Variants in INSL6 observed in about 807,000 individuals in gnomAD.
The protein encoded by INSL6 is insulin like 6, also known as insulin-like peptide INSL6.
INSL6 carries 16 observed loss-of-function variants against 9.4 expected under a neutral mutation model. The ratio of observed to expected loss-of-function variants is 1.70; its 90% CI spans 1.15 to 2.59. The LOEUF is 2.59. INSL6 is among the 30% of genes most tolerant of loss of function. INSL6 has a pLI of 0.00. For missense variants in INSL6, 391 were observed against 257.3 expected, an observed-to-expected ratio of 1.52 and a Z score of -3.56; for synonymous variants, 154 against 96.9, an observed-to-expected ratio of 1.59 and a Z score of -3.46.
intron 2 of INSL6, among the ~76,000 whole-genome samples, chr9:5,137,681 A>C (rs1025985271): frequency 6.6e-6 from 1 of 152,232 alleles, no homozygotes; most frequent in Non-Finnish European, 1.5e-5. Flanking sequence ...AGGCATGGCA[A>C]AGACTTCATG....
At chr9:5,040,856 A>T in the INSL6 span, 1 of 227,616 alleles carries the variant, frequency 4.4e-6, no homozygotes, top group South Asian at 4.4e-5. Context: ...CGCGAGCAGG[A>T]GAGGGGCCGG....
At chr9:5,004,011 T>C in the INSL6 span, among the ~76,000 whole-genome samples, 3 of 152,152 alleles carry the variant, frequency 2.0e-5, no homozygotes, top group Admixed American at 6.5e-5. Flanking sequence ...TAAAAAATTT[T>C]TTTCTAAATT....
chr9:5,068,946 T>A, the INSL6 span: 5 of 795,126 alleles, frequency 6.3e-6, no homozygotes, highest in Non-Finnish European at 9.9e-6. Flanking sequence ...GTTCTTGTGA[T>A]ATCATTTTGT....
chr9:5,156,294 C>A (rs575851279), intron 2 of INSL6, among the ~76,000 whole-genome samples: 1 of 152,186 alleles, frequency 6.6e-6, no homozygotes, highest in Non-Finnish European at 1.5e-5. Flanking sequence ...TAAACAGATT[C>A]TTTATGAAAA....
At chr9:5,080,200 A>C in the INSL6 span, 1 of 1,522,734 alleles carries the variant, frequency 6.6e-7, no homozygotes, top group Admixed American at 2.0e-5. Flanking sequence ...TGAATTATTT[A>C]ACCCTACTCT....
At chr9:5,169,814 T>A (rs7858245) in intron 1 of INSL6, among the ~76,000 whole-genome samples, 56,732 of 151,892 alleles carry the variant, frequency 0.37, 11,916 homozygotes, top group African/African-American at 0.59. Context: ...AAGAAGAGCT[T>A]ACTATCCTAA....
downstream of INSL6, among the ~76,000 whole-genome samples, chr9:5,119,782 TTTCA>T (rs1823473467): frequency 6.6e-6 from 1 of 152,128 alleles, no homozygotes; most frequent in African/African-American, 2.4e-5. Context: ...TGATCAAAAT[TTTCA>T]TATGTACTTA....
At chr9:5,041,071 T>C in the INSL6 span, 38 of 694,000 alleles carry the variant, frequency 5.5e-5, no homozygotes, top group African/African-American at 6.4e-4. Flanking sequence ...GTCCCTCAGG[T>C]CTACTACCTA....
At chr9:5,170,556 C>CT (rs202135593) in intron 1 of INSL6, among the ~76,000 whole-genome samples, 51,309 of 138,160 alleles carry the variant, frequency 0.37, 10,044 homozygotes, top group African/African-American at 0.55. Context: ...AATCCAGGGG[C>CT]TTTTTTTTTT....
At chr9:5,114,718 A>G in the INSL6 span, 1 of 382,332 alleles carries the variant, frequency 2.6e-6, no homozygotes, top group South Asian at 2.1e-5. Flanking sequence ...GAATGGGAAC[A>G]GAAAAACGAG....
the INSL6 span, chr9:5,068,958 A>C: frequency 1.1e-6 from 1 of 906,590 alleles, no homozygotes; most frequent in Non-Finnish European, 1.7e-6. Flanking sequence ...TCATTTTGTC[A>C]GAATAATCAC....
intron 2 of INSL6, among the ~76,000 whole-genome samples, chr9:5,151,050 A>G (rs1824703370): frequency 6.6e-6 from 1 of 152,178 alleles, no homozygotes; most frequent in South Asian, 2.1e-4. Flanking sequence ...GTTGTAAAGT[A>G]TGGAATGACA....
the INSL6 span, among the ~76,000 whole-genome samples, chr9:4,994,070 T>C: frequency 6.6e-6 from 1 of 152,242 alleles, no homozygotes; most frequent in Non-Finnish European, 1.5e-5. Flanking sequence ...ATTGGGTTAA[T>C]AATTATCCTA....
At chr9:5,175,984 A>C (rs1825295689) in intron 1 of INSL6, among the ~76,000 whole-genome samples, 1 of 152,190 alleles carries the variant, frequency 6.6e-6, no homozygotes, top group Non-Finnish European at 1.5e-5. Flanking sequence ...CCCTGGTCCA[A>C]GGAAAAATTG....
chr9:5,177,127 G>A (rs906968787), intron 1 of INSL6, among the ~76,000 whole-genome samples: 1 of 152,150 alleles, frequency 6.6e-6, no homozygotes, highest in African/African-American at 2.4e-5. Context: ...GTGATCCATG[G>A]CGCTCAGGGA....
chr9:5,185,322 G>C lies in INSL6; in HGVS notation c.281C>G (p.Thr94Arg). 1 of 1,614,136 alleles carries C rather than the reference G, an allele frequency of 6.2e-7. No homozygotes were observed. Among genetic ancestry groups the C allele is most frequent in the Non-Finnish European group, 8.5e-7 (1 of 1,179,990 alleles). ...TCGGTTTCGATTTTTACCTGGGTTT[G>C]TGCCTCTTCCCCGGGCCGGGGAAGC... ...QTASPARGRG[T>R]NPVSTSWEEA... The change falls in exon 1 of 2, where the codon ACA becomes AGA. Residue 94 changes from threonine (T) to arginine (R), a missense_variant. By Grantham distance (71) the Thr-to-Arg change is moderately conservative (BLOSUM62 -1). Coordinates refer to ENST00000381641, the MANE Select transcript of INSL6 (RefSeq NM_007179.3).
the INSL6 span, among the ~76,000 whole-genome samples, chr9:4,999,671 A>AG: frequency 1.3e-5 from 2 of 152,192 alleles, no homozygotes; most frequent in Non-Finnish European, 2.9e-5. Context: ...GTTCAAGGGC[A>AG]GGAAGCGTCT....
the INSL6 span, chr9:5,114,695 G>A: frequency 4.8e-6 from 2 of 413,344 alleles, no homozygotes; most frequent in Non-Finnish European, 4.7e-6. Flanking sequence ...GCTGCCTGGA[G>A]GTTACCAGGG....
At chr9:5,132,072 T>C (rs923304754) in intron 3 of INSL6, 2 of 152,324 alleles carry the variant, frequency 1.3e-5, no homozygotes, top group African/African-American at 2.4e-5. Flanking sequence ...AAGGTTGTTG[T>C]TGACAAAGAA....
Sources: gnomAD v4.1 joint callset for allele counts (sites outside exome capture counted in the v4.1 genomes callset) on GRCh38, gnomAD v4.1.1 for gene constraint, MANE v1.5 for transcripts, NCBI Gene and HGNC (gene_info 2026-07-23, HGNC 2026-07-21) for gene names.